FCHSD2: variants seen among roughly 807,000 people sequenced by gnomAD.
FCHSD2 encodes F-BAR and double SH3 domains protein 2.
Under a neutral mutation model 108.1 loss-of-function variants are expected in FCHSD2, and 38 were observed. That is an observed-to-expected ratio of 0.35 (90% CI 0.27 to 0.46). FCHSD2 has a LOEUF of 0.46. Among genes scored for constraint, FCHSD2 ranks in the 20% least tolerant of loss-of-function variants. The pLI is 1.00. For synonymous variants in FCHSD2, 279 were observed against 314.7 expected (o/e 0.89, Z 1.20); for missense variants, 751 against 897.8 (o/e 0.84, Z 2.09).
intron 14 of FCHSD2, chr11:72,843,784 A>G (rs1277802349): frequency 9.2e-6 from 4 of 434,948 alleles, no homozygotes; most frequent in South Asian, 3.9e-5. Context: ...TGAACAGAAC[A>G]TGTAAGCCTG....
At chr11:72,955,748 G>A (rs1301871564) in intron 8 of FCHSD2, among the ~76,000 whole-genome samples, 1 of 152,104 alleles carries the variant, frequency 6.6e-6, no homozygotes, top group East Asian at 1.9e-4. Context: ...GACAGGAACT[G>A]GGGTCAGAGA....
intron 11 of FCHSD2, among the ~76,000 whole-genome samples, chr11:72,888,771 C>T (rs1855252500): frequency 6.6e-6 from 1 of 151,824 alleles, no homozygotes; most frequent in Non-Finnish European, 1.5e-5. Flanking sequence ...TAGGTGTGCG[C>T]CCCCATGCCC....
At chr11:72,935,241 GA>G (rs1246402846) in intron 8 of FCHSD2, among the ~76,000 whole-genome samples, 1 of 152,140 alleles carries the variant, frequency 6.6e-6, no homozygotes, top group Non-Finnish European at 1.5e-5. Flanking sequence ...AATTAGGAGG[GA>G]AAATGGGTCA....
chr11:72,962,248 G>GT (rs1856830354), intron 8 of FCHSD2, among the ~76,000 whole-genome samples: 1 of 152,180 alleles, frequency 6.6e-6, no homozygotes, highest in Non-Finnish European at 1.5e-5. Flanking sequence ...TCTTTCACAA[G>GT]TATGTGGTAT....
At chr11:72,926,386 C>T (rs540821692) in intron 8 of FCHSD2, among the ~76,000 whole-genome samples, 1 of 152,092 alleles carries the variant, frequency 6.6e-6, no homozygotes, top group Non-Finnish European at 1.5e-5. Flanking sequence ...GATGGCATGA[C>T]CAGTTGCAGA....
chr11:73,090,799 T>G (rs951304797), intron 2 of FCHSD2, among the ~76,000 whole-genome samples: 1 of 152,186 alleles, frequency 6.6e-6, no homozygotes, highest in African/African-American at 2.4e-5. Flanking sequence ...AATCAACTGT[T>G]TTAAAGTAAA....
intron 2 of FCHSD2, among the ~76,000 whole-genome samples, chr11:73,107,224 T>G (rs895771896): frequency 6.6e-6 from 1 of 152,062 alleles, no homozygotes; most frequent in Non-Finnish European, 1.5e-5. Flanking sequence ...CCAGCTAAGT[T>G]TTGTATTTTT....
chr11:72,968,838 T>C (rs1856959847), intron 8 of FCHSD2, among the ~76,000 whole-genome samples: 1 of 152,198 alleles, frequency 6.6e-6, no homozygotes, highest in South Asian at 2.1e-4. Context: ...CCAACACTTC[T>C]CCTTGGTGCT....
rs968704923 is a variant in FCHSD2, at chr11:72,940,699, C to T, written c.706-18749G>A. ...CATTATATATAGGATTCATGTTCAC[C>T]GTGGTGGCAGAAAACGCCCAGTTCC... On this transcript the variant is annotated intron_variant, in intron 8 of 19. Coordinates refer to ENST00000409418, the MANE Select transcript of FCHSD2 (RefSeq NM_014824.3). 5.1e-5 allele frequency: 55 copies of T among 1,072,744 alleles called. No homozygotes were observed. The East Asian group carries it at 1.1e-3, about 21-fold the overall frequency. 66.5% of individuals were successfully genotyped at this position (1,072,744 alleles called of 1,614,324 possible).
At chr11:72,850,693 C>A (rs1221833198) in intron 13 of FCHSD2, among the ~76,000 whole-genome samples, 1 of 152,002 alleles carries the variant, frequency 6.6e-6, no homozygotes, top group East Asian at 1.9e-4. Flanking sequence ...AAGTTTCTGT[C>A]AAATATGTAA....
At chr11:73,096,904 T>C (rs572819762) in intron 2 of FCHSD2, among the ~76,000 whole-genome samples, 1 of 151,352 alleles carries the variant, frequency 6.6e-6, no homozygotes, top group Admixed American at 6.6e-5. Context: ...TGTTAAATTA[T>C]GTGAAATGCT....
At chr11:73,057,249 G>T (rs1859047165) in intron 3 of FCHSD2, among the ~76,000 whole-genome samples, 1 of 152,110 alleles carries the variant, frequency 6.6e-6, no homozygotes, top group African/African-American at 2.4e-5. Flanking sequence ...GTCTTTAAGT[G>T]ACCGGCATAG....
intron 3 of FCHSD2, 23 bp downstream of exon 3, chr11:73,083,672 G>T: frequency 6.7e-7 from 1 of 1,493,606 alleles, no homozygotes; most frequent in Non-Finnish European, 9.1e-7. Context: ...TACCTAGAAT[G>T]GGACCTCCAA....
At chr11:73,025,521 G>GA (rs1450128145) in intron 3 of FCHSD2, among the ~76,000 whole-genome samples, 1 of 151,916 alleles carries the variant, frequency 6.6e-6, no homozygotes, top group Non-Finnish European at 1.5e-5. Context: ...GAGATAATGA[G>GA]AAAAAAATAA....
intron 5 of FCHSD2, among the ~76,000 whole-genome samples, chr11:72,993,415 A>G (rs1052283258): frequency 1.3e-5 from 2 of 152,202 alleles, no homozygotes; most frequent in African/African-American, 2.4e-5. Flanking sequence ...CTGGGTATAT[A>G]CCCAAAGGAT....
chr11:72,999,618 C>T (rs1857585742), intron 5 of FCHSD2, among the ~76,000 whole-genome samples: 2 of 152,016 alleles, frequency 1.3e-5, no homozygotes, highest in Non-Finnish European at 2.9e-5. Context: ...CCACACCCGG[C>T]CTTATCAAAC....
chr11:72,934,110 GAAAAAAAAAAA>G (rs375464183), intron 8 of FCHSD2, among the ~76,000 whole-genome samples: 3 of 50,880 alleles, frequency 5.9e-5, no homozygotes, highest in Non-Finnish European at 9.8e-5. Context: ...CACTGTCTCA[GAAAAAAAAAAA>G]AAAAAAAAAA....
Position 72,949,117 on chromosome 11 carries a change from A to G in FCHSD2, c.706-27167T>C, listed in dbSNP as rs114875020. On this transcript the variant is annotated intron_variant, in intron 8 of 19. Transcript: ENST00000409418. ...AGTATATTCACAAAGTTGTGCAACC[A>G]TCACCATTACCTAATTCCAGAACAT... Among the ~76,000 whole-genome samples, 1,378 of 152,298 alleles carry G rather than the reference A, an allele frequency of 9.0e-3. 16 individuals are homozygous for G. Among genetic ancestry groups the G allele is most frequent in the African/African-American group, 0.031 (1,306 of 41,566 alleles).
At chr11:73,117,050 A>G (rs1860621200) in intron 2 of FCHSD2, among the ~76,000 whole-genome samples, 1 of 152,142 alleles carries the variant, frequency 6.6e-6, no homozygotes, top group African/African-American at 2.4e-5. Context: ...GGTCTTTTCA[A>G]AAAACTAGCT....
Sources: allele counts gnomAD v4.1 joint callset (sites outside exome capture counted in the v4.1 genomes callset), GRCh38; gene constraint gnomAD v4.1.1; transcripts MANE v1.5; gene names NCBI Gene and HGNC (gene_info 2026-07-23, HGNC 2026-07-21).